SLC38A11: variants seen among roughly 807,000 people sequenced by gnomAD.
The protein encoded by SLC38A11 is putative sodium-coupled neutral amino acid transporter 11.
Under a neutral mutation model 49.4 loss-of-function variants are expected in SLC38A11, and 51 were observed. The observed-to-expected ratio is 1.03, with a 90% CI of 0.83 to 1.30. The LOEUF is 1.30. SLC38A11 is among the 50% of genes most tolerant of loss of function. The pLI is 0.00. For synonymous variants in SLC38A11, 203 were observed against 192.9 expected (o/e 1.05, Z -0.43); for missense variants, 574 against 556.2 (o/e 1.03, Z -0.32).
intron 7 of SLC38A11, among the ~76,000 whole-genome samples, chr2:164,930,833 T>C (rs1413282475): frequency 1.3e-5 from 2 of 151,972 alleles, no homozygotes; most frequent in African/African-American, 2.4e-5. Context: ...GCATTCCACT[T>C]GAAAACCAGC....
At chr2:164,953,040 A>G in intron 2 of SLC38A11, 2 of 382,736 alleles carry the variant, frequency 5.2e-6, no homozygotes, top group Non-Finnish European at 9.4e-6. Flanking sequence ...AAAGCAGCAA[A>G]TGAAAAACAA....
At chr2:164,911,029 T>G (rs895433938) in intron 10 of SLC38A11, among the ~76,000 whole-genome samples, 3 of 151,832 alleles carry the variant, frequency 2.0e-5, no homozygotes, top group Admixed American at 2.0e-4. Context: ...TTGTTATTAT[T>G]TATATTATTA....
intron 3 of SLC38A11, among the ~76,000 whole-genome samples, chr2:164,946,000 C>T (rs1023436491): frequency 1.3e-5 from 2 of 152,126 alleles, no homozygotes; most frequent in African/African-American, 4.8e-5. Flanking sequence ...AGACTCGAGT[C>T]AAACTGCCAG....
chr2:164,920,715 T>G (rs1686134270), intron 7 of SLC38A11, among the ~76,000 whole-genome samples: 2 of 151,620 alleles, frequency 1.3e-5, no homozygotes, highest in Admixed American at 1.3e-4. Flanking sequence ...CCGAGAATGC[T>G]CCAACAAAAG....
At chr2:164,915,061 G>GT (rs1173849446) in intron 9 of SLC38A11, 51 bp downstream of exon 9, 1 of 1,486,576 alleles carries the variant, frequency 6.7e-7, no homozygotes, top group African/African-American at 1.4e-5. Flanking sequence ...AGAACATTCG[G>GT]TATACCTGTA....
chr2:164,934,749 G>A (rs1359233004), intron 7 of SLC38A11, among the ~76,000 whole-genome samples: 1 of 151,970 alleles, frequency 6.6e-6, no homozygotes, highest in Non-Finnish European at 1.5e-5. Flanking sequence ...AATTAAAACA[G>A]TTTGGTCTTA....
At chr2:164,911,853 C>T (rs1183057701) in intron 9 of SLC38A11, 105 bp from the exon 10 acceptor site, 1 of 563,492 alleles carries the variant, frequency 1.8e-6, no homozygotes. Flanking sequence ...CACCTAATGG[C>T]CCACATATAT....
In SLC38A11 at chr2:164,896,668, A is replaced by G. The variant is rs1684382567; in HGVS notation, c.*1769T>C. 6.6e-6 allele frequency: 1 copy of G among 152,182 alleles called. No homozygotes were observed. Among genetic ancestry groups the G allele is most frequent in the Non-Finnish European group, 1.5e-5 (1 of 68,024 alleles). The allele number at this position is 152,182 out of a possible 1,614,324, so 9.4% of individuals were successfully genotyped here. Reference sequence around the variant, plus strand: ...CCCTTAACTATAAAAAAACAAATTTATAAGTTAAATACAGAAAAGTTACCC... The same window carrying G: ...CCCTTAACTATAAAAAAACAAATTTGTAAGTTAAATACAGAAAAGTTACCC... On this transcript the variant is annotated 3_prime_UTR_variant, in exon 12 of 12. Coordinates refer to ENST00000685975, the MANE Select transcript of SLC38A11 (RefSeq NM_001351537.2).
At position 164,951,243 on chromosome 2, in the gene SLC38A11, T is replaced by C. The variant is rs542556933; in HGVS notation, c.229+1464A>G. ...TTTCTACCTACCTGTTTACAATGTA[T>C]GTAAATGTTTACAATGCACTTAAAT... is the stretch of plus-strand genomic sequence containing the variant. On this transcript the variant is annotated intron_variant, in intron 3 of 11. Transcript: ENST00000685975. Among the ~76,000 whole-genome samples, 30 of 152,320 alleles carry C rather than the reference T, an allele frequency of 2.0e-4. No homozygotes were observed. The South Asian group carries it at 5.2e-3, about 26-fold the overall frequency.
At chr2:164,955,067 T>C in intron 1 of SLC38A11, 142 bp downstream of exon 1, 1 of 735,340 alleles carries the variant, frequency 1.4e-6, no homozygotes, top group South Asian at 1.9e-5. Context: ...AAAAGTCAGA[T>C]TAAGGCAAAA....
chr2:164,916,772 G>T (rs1307106256), intron 7 of SLC38A11, among the ~76,000 whole-genome samples: 1 of 152,108 alleles, frequency 6.6e-6, no homozygotes, highest in Non-Finnish European at 1.5e-5. Flanking sequence ...TAAAATATTT[G>T]ATATTGGCAG....
At chr2:164,947,157 A>T (rs2105513509) in intron 3 of SLC38A11, among the ~76,000 whole-genome samples, 1 of 88,126 alleles carries the variant, frequency 1.1e-5, no homozygotes, top group Non-Finnish European at 1.9e-5. Flanking sequence ...TTTGAGATAG[A>T]GTCTTGCTCT....
intron 1 of SLC38A11, 21 bp downstream of exon 1, chr2:164,955,188 C>T (rs1688768313): frequency 1.9e-6 from 3 of 1,546,752 alleles, no homozygotes; most frequent in South Asian, 2.4e-5. Flanking sequence ...GCTTCAGAAC[C>T]TGCCTAGTCG....
intron 7 of SLC38A11, among the ~76,000 whole-genome samples, chr2:164,928,002 T>C (rs1686718566): frequency 6.6e-6 from 1 of 152,200 alleles, no homozygotes; most frequent in South Asian, 2.1e-4. Flanking sequence ...GGATTCCATT[T>C]ATAAAATAAC....
chr2:164,930,331 G>C (rs1309264173), intron 7 of SLC38A11, among the ~76,000 whole-genome samples: 1 of 152,046 alleles, frequency 6.6e-6, no homozygotes, highest in Non-Finnish European at 1.5e-5. Flanking sequence ...GTACAAAGAA[G>C]AGCTGGTACA....
chr2:164,911,589 G>A (rs1420882237), intron 10 of SLC38A11, 47 bp downstream of exon 10: 6 of 898,434 alleles, frequency 6.7e-6, no homozygotes, highest in Non-Finnish European at 1.0e-5. Context: ...AATTAAATGT[G>A]GCAGAGAGAT....
rs1688072156 is a variant in SLC38A11, at chr2:164,945,869, C to G, written c.230-142G>C. 7.0e-6 allele frequency: 6 copies of G among 861,106 alleles called. No individual in the cohort carries two copies. In the South Asian group the frequency reaches 1.1e-4, roughly 15 times the overall value. The allele number at this position is 861,106 out of a possible 1,614,324, so 53.3% of individuals were successfully genotyped here. A position where few individuals can be genotyped will look rare whatever the true frequency, so the allele number is the denominator to read the frequency against. ...TGCAGTATTAGCAGAGCCAGGCTAACTTTCTTTTCATAAAACATTACCTTT... is the reference window on the plus strand; with the variant it reads ...TGCAGTATTAGCAGAGCCAGGCTAAGTTTCTTTTCATAAAACATTACCTTT... On this transcript the variant is annotated intron_variant, in intron 3 of 11. Transcript: ENST00000685975.
At chr2:164,910,663 T>C (rs894773367) in intron 10 of SLC38A11, among the ~76,000 whole-genome samples, 2 of 152,256 alleles carry the variant, frequency 1.3e-5, no homozygotes, top group South Asian at 2.1e-4. Flanking sequence ...AGAAGCCTGC[T>C]GATTATTTAG....
chr2:164,902,124 G>C (rs777731760), intron 11 of SLC38A11, among the ~76,000 whole-genome samples: 1 of 148,172 alleles, frequency 6.7e-6, no homozygotes, highest in African/African-American at 2.5e-5. Flanking sequence ...GATCTCCCAA[G>C]CTCAAGTGAT....
Sources: allele counts gnomAD v4.1 joint callset (sites outside exome capture counted in the v4.1 genomes callset), GRCh38; gene constraint gnomAD v4.1.1; transcripts MANE v1.5; gene names NCBI Gene and HGNC (gene_info 2026-07-23, HGNC 2026-07-21).